ARHGAP24: variants seen among roughly 807,000 people sequenced by gnomAD.
ARHGAP24 encodes the protein rho GTPase-activating protein 24.
A neutral mutation model predicts 76.4 loss-of-function variants in ARHGAP24; 50 were observed. The ratio of observed to expected loss-of-function variants is 0.65; its 90% CI spans 0.52 to 0.83. ARHGAP24 has a LOEUF of 0.83. Among genes scored for constraint, ARHGAP24 ranks in the 40% least tolerant of loss-of-function variants. ARHGAP24 has a pLI of 0.00. For missense variants in ARHGAP24, 930 were observed against 914.2 expected (o/e 1.02, Z -0.22); for synonymous variants, 345 against 323.3 (o/e 1.07, Z -0.72).
chr4:85,870,471 G>A (rs1161350681), intron 3 of ARHGAP24, among the ~76,000 whole-genome samples: 1 of 152,074 alleles, frequency 6.6e-6, no homozygotes, highest in Non-Finnish European at 1.5e-5. Context: ...ATCTGCAAAA[G>A]CTCTGATTTG....
At chr4:85,592,773 A>T (rs1728170506) in intron 2 of ARHGAP24, among the ~76,000 whole-genome samples, 1 of 152,194 alleles carries the variant, frequency 6.6e-6, no homozygotes, top group Admixed American at 6.5e-5. Context: ...TATTTCACTT[A>T]ACATAATGAA....
intron 2 of ARHGAP24, among the ~76,000 whole-genome samples, chr4:85,655,792 T>TATATATATATATATATATAG (rs1553920518): frequency 5.3e-5 from 2 of 37,668 alleles, no homozygotes; most frequent in African/African-American, 3.3e-4. Context: ...TATATATATA[T>TATATATATATATATATATAG]AGAGAGAGAG....
chr4:85,990,432 T>G (rs1266480553), intron 8 of ARHGAP24: 4 of 151,810 alleles, frequency 2.6e-5, no homozygotes, highest in Admixed American at 1.3e-4. Context: ...AGATTGACAA[T>G]CTGATTATAA....
At chr4:85,477,738 G>A (rs776132681) in intron 1 of ARHGAP24, among the ~76,000 whole-genome samples, 3 of 152,154 alleles carry the variant, frequency 2.0e-5, no homozygotes, top group Non-Finnish European at 2.9e-5. Context: ...TATTTTCACT[G>A]TGACCTACTG....
At chr4:85,594,339 A>G (rs1244681775) in intron 2 of ARHGAP24, among the ~76,000 whole-genome samples, 4 of 151,838 alleles carry the variant, frequency 2.6e-5, no homozygotes, top group African/African-American at 4.8e-5. Flanking sequence ...ATTAGTTCTG[A>G]TAGTTTTTTG....
At position 85,687,473 on chromosome 4, in the gene ARHGAP24, G is replaced by C. The variant is rs544384873; in HGVS notation, c.181-34412G>C. Reference sequence around the variant, plus strand: ...CATTGTCTGTTGTTCCCATGTATTTGTCCACCTGTGCTAAATATTTATAAG... The same window carrying C: ...CATTGTCTGTTGTTCCCATGTATTTCTCCACCTGTGCTAAATATTTATAAG... On this transcript the variant is annotated intron_variant, in intron 2 of 9. Coordinates refer to ENST00000395184, the MANE Select transcript of ARHGAP24 (RefSeq NM_001025616.3). Among the ~76,000 whole-genome samples the C allele has an allele frequency of 1.6e-3, 238 of 152,158 alleles. 1 individual carries two copies. Among genetic ancestry groups the C allele is most frequent in the Non-Finnish European group, 2.8e-3 (188 of 67,998 alleles).
rs147429207 is a variant in ARHGAP24, at chr4:85,704,806, C to A, written c.181-17079C>A. Among the ~76,000 whole-genome samples, 768 of 152,116 alleles carry A rather than the reference C, an allele frequency of 5.0e-3. 5 individuals are homozygous for A. The highest frequency in any genetic ancestry group is 0.018 in the African/African-American group (727 of 41,502). On this transcript the variant is annotated intron_variant, in intron 2 of 9. Transcript: ENST00000395184. ...ACTATGTCCTCAGTACCGTATCTGG[C>A]ATATAGTAGGGCTTATTAAAGATTT...
At chr4:85,623,564 T>G (rs926486569) in intron 2 of ARHGAP24, among the ~76,000 whole-genome samples, 6 of 152,126 alleles carry the variant, frequency 3.9e-5, no homozygotes, top group Non-Finnish European at 5.9e-5. Flanking sequence ...GGATTGACTT[T>G]GTGATGCGGG....
chr4:85,944,707 G>A (rs150055927), intron 5 of ARHGAP24, among the ~76,000 whole-genome samples: 65 of 152,288 alleles, frequency 4.3e-4, no homozygotes, highest in African/African-American at 1.3e-3. Flanking sequence ...AGCCCAACGC[G>A]TGACCGTGGG....
At chr4:85,521,827 C>T (rs1157919564) in intron 1 of ARHGAP24, among the ~76,000 whole-genome samples, 1 of 151,930 alleles carries the variant, frequency 6.6e-6, no homozygotes, top group Non-Finnish European at 1.5e-5. Context: ...AGAGATATTT[C>T]TACCCATTGA....
intron 3 of ARHGAP24, among the ~76,000 whole-genome samples, chr4:85,793,525 C>G (rs759999058): frequency 4.6e-4 from 70 of 152,166 alleles, no homozygotes; most frequent in Middle Eastern, 3.4e-3. Flanking sequence ...GATAATCCTG[C>G]CTGTTTTAGT....
intron 2 of ARHGAP24, among the ~76,000 whole-genome samples, chr4:85,635,835 A>G (rs72982079): frequency 1.5e-3 from 225 of 152,068 alleles, no homozygotes; most frequent in African/African-American, 5.2e-3. Flanking sequence ...TTTGTTTTAA[A>G]CATAGCCAAT....
intron 1 of ARHGAP24, among the ~76,000 whole-genome samples, chr4:85,507,216 T>C (rs751674007): frequency 2.0e-5 from 3 of 151,890 alleles, no homozygotes; most frequent in Non-Finnish European, 4.4e-5. Context: ...AAAAATATTT[T>C]ATTATTATTA....
At chr4:85,646,873 A>G (rs1179908485) in intron 2 of ARHGAP24, among the ~76,000 whole-genome samples, 2 of 152,148 alleles carry the variant, frequency 1.3e-5, no homozygotes, top group African/African-American at 2.4e-5. Flanking sequence ...TGTTCAGAAT[A>G]TACTATTAGT....
At chr4:85,922,014 A>T (rs1371272855) in intron 3 of ARHGAP24, among the ~76,000 whole-genome samples, 1 of 152,242 alleles carries the variant, frequency 6.6e-6, no homozygotes, top group South Asian at 2.1e-4. Flanking sequence ...GTGGAACTAG[A>T]CATGTAAAAG....
chr4:85,882,202 G>A (rs1733296599), intron 3 of ARHGAP24, among the ~76,000 whole-genome samples: 1 of 152,122 alleles, frequency 6.6e-6, no homozygotes, highest in Non-Finnish European at 1.5e-5. Flanking sequence ...TTCCAAATCT[G>A]TGTCTATTAC....
chr4:85,830,033 A>G (rs777491146), intron 3 of ARHGAP24, among the ~76,000 whole-genome samples: 3 of 152,370 alleles, frequency 2.0e-5, no homozygotes, highest in African/African-American at 4.8e-5. Flanking sequence ...CTTCTATGCA[A>G]TTAAGTTCTC....
In ARHGAP24 at chr4:85,554,102, C is replaced by A. The variant is rs115003001; in HGVS notation, c.-20-16420C>A. 2.0e-3 allele frequency among the ~76,000 whole-genome samples: 300 copies of A among 152,260 alleles called. 3 individuals carry two copies. The highest frequency in any genetic ancestry group is 6.7e-3 in the African/African-American group (279 of 41,564). On this transcript the variant is annotated intron_variant, in intron 1 of 9. Coordinates refer to ENST00000395184, the MANE Select transcript of ARHGAP24 (RefSeq NM_001025616.3). The stretch of plus-strand genomic sequence containing the variant: ...GATATAAAATTATTGGTTGCAAATT[C>A]TTTTCTTTAAAAATGCTGAATATAA...
intron 3 of ARHGAP24, among the ~76,000 whole-genome samples, chr4:85,810,393 G>C (rs970595854): frequency 6.6e-6 from 1 of 152,262 alleles, no homozygotes; most frequent in Non-Finnish European, 1.5e-5. Context: ...CAAAGTACAG[G>C]CATATGCATC....
Sources: gnomAD v4.1 joint callset for allele counts (sites outside exome capture counted in the v4.1 genomes callset) on GRCh38, gnomAD v4.1.1 for gene constraint, MANE v1.5 for transcripts, NCBI Gene and HGNC (gene_info 2026-07-23, HGNC 2026-07-21) for gene names.